NSD3: variants seen among roughly 807,000 people sequenced by gnomAD.
NSD3 encodes nuclear receptor binding SET domain protein 3, also known as histone-lysine N-methyltransferase NSD3.
NSD3 carries 24 observed loss-of-function variants against 160.8 expected under a neutral mutation model. The ratio of observed to expected loss-of-function variants is 0.15; its 90% CI spans 0.11 to 0.21. NSD3 has a LOEUF of 0.21. Among genes scored for constraint, NSD3 ranks in the 10% least tolerant of loss-of-function variants. The probability of loss-of-function intolerance (pLI) is 1.00; values close to 1 mark genes in which losing one functional copy is unlikely to be tolerated. For synonymous variants in NSD3, 520 were observed against 600.0 expected, an observed-to-expected ratio of 0.87 and a Z score of 1.95; for missense variants, 1,157 against 1,735.9, an observed-to-expected ratio of 0.67 and a Z score of 5.93.
chr8:38,351,856 C>T (rs1461328781), intron 1 of NSD3, among the ~76,000 whole-genome samples: 1 of 151,302 alleles, frequency 6.6e-6, no homozygotes, highest in Non-Finnish European at 1.5e-5. Flanking sequence ...GAACATCACA[C>T]ACCGGGGCCT....
At chr8:38,372,300 C>G (rs551474631) in intron 1 of NSD3, among the ~76,000 whole-genome samples, 15 of 152,230 alleles carry the variant, frequency 9.9e-5, no homozygotes, top group African/African-American at 3.6e-4. Context: ...ATGGCACTTT[C>G]TTACAGGATT....
intron 2 of NSD3, among the ~76,000 whole-genome samples, chr8:38,340,853 C>T (rs1810345224): frequency 6.6e-6 from 1 of 152,132 alleles, no homozygotes. Flanking sequence ...AAAACAGAAA[C>T]ACAAACATCC....
chr8:38,318,895 C>A lies in NSD3; in HGVS notation c.1855G>T (p.Gly619Cys). 6.2e-7 allele frequency: 1 copy of A among 1,610,484 alleles called. No individual in the cohort carries two copies. The highest frequency in any genetic ancestry group is 1.7e-5 in the Admixed American group (1 of 58,790). The change falls in exon 9 of 24, where the codon GGT becomes TGT. Residue 619 changes from glycine to cysteine, a missense_variant and splice_region_variant. By Grantham distance (159) the Gly-to-Cys change is radical (BLOSUM62 -3). Transcript: ENST00000317025. The surrounding 1 kb of genome is among the most constrained non-coding windows in gnomAD (Gnocchi z 5.3). The stretch of plus-strand genomic sequence containing the variant: ...AAGCAACATTATAATATTAACTCAC[C>A]TTTCTGTAATCCAGTCTTCACTGTA... ...QATVKTGLQK[G>C]ASEISDSCKP...
intron 2 of NSD3, among the ~76,000 whole-genome samples, chr8:38,345,348 G>A (rs557967407): frequency 7.2e-6 from 1 of 139,816 alleles, no homozygotes; most frequent in African/African-American, 2.7e-5. Flanking sequence ...GAGGGAGGGA[G>A]AGGAAGAGGG....
intron 1 of NSD3, among the ~76,000 whole-genome samples, chr8:38,356,781 C>T (rs1810834462): frequency 6.6e-6 from 1 of 151,944 alleles, no homozygotes; most frequent in Non-Finnish European, 1.5e-5. Context: ...GTTTAAAATG[C>T]CAGTCTCTTC....
At chr8:38,301,828 T>C (rs1164804991) in intron 14 of NSD3, among the ~76,000 whole-genome samples, 1 of 152,236 alleles carries the variant, frequency 6.6e-6, no homozygotes, top group Non-Finnish European at 1.5e-5. Flanking sequence ...TTAGTAAAGT[T>C]TGACTTACAT....
At position 38,270,782 on chromosome 8, in the gene NSD3, A is replaced by G. The variant is rs1000058844; in HGVS notation, c.*4859T>C. ...AATAAATGACTTTGGCATCTATTCT[A>G]TTTTCCCTTTTTACTTACATGTAAA... is the stretch of plus-strand genomic sequence containing the variant. On this transcript the variant is annotated 3_prime_UTR_variant, in exon 24 of 24. Coordinates refer to ENST00000317025, the MANE Select transcript of NSD3 (RefSeq NM_023034.2). 2.0e-5 allele frequency: 3 copies of G among 152,160 alleles called. No individual in the cohort carries two copies. Among genetic ancestry groups the G allele is most frequent in the Admixed American group, 2.0e-4 (3 of 15,286 alleles). The allele number at this position is 152,160 out of a possible 1,614,324, so 9.4% of individuals were successfully genotyped here.
At chr8:38,344,403 T>C (rs1006127339) in intron 2 of NSD3, among the ~76,000 whole-genome samples, 1 of 152,092 alleles carries the variant, frequency 6.6e-6, no homozygotes, top group Admixed American at 6.6e-5. Context: ...TCCCGAATAG[T>C]TGGGATTACA....
chr8:38,334,590 TAA>T (rs1810161782), intron 4 of NSD3, among the ~76,000 whole-genome samples: 1 of 149,954 alleles, frequency 6.7e-6, no homozygotes, highest in Non-Finnish European at 1.5e-5. Flanking sequence ...CCGTCTCTAC[TAA>T]AAATACAAAA....
intron 12 of NSD3, among the ~76,000 whole-genome samples, chr8:38,308,579 G>T (rs1434926562): frequency 6.6e-6 from 1 of 152,136 alleles, no homozygotes; most frequent in Non-Finnish European, 1.5e-5. Flanking sequence ...AGCCCTTTGG[G>T]AGGCCGAGGC....
At position 38,329,391 on chromosome 8, in the gene NSD3, A is replaced by G. The variant is rs763730445; in HGVS notation, c.1568T>C (p.Val523Ala). 4 of 1,608,032 alleles carry G rather than the reference A, an allele frequency of 2.5e-6. No individual in the cohort carries two copies. The highest frequency in any genetic ancestry group is 3.4e-6 in the Non-Finnish European group (4 of 1,175,342). ...TGDGKFIDQF[V>A]YSTKGIGNKT... ...AAAAGGAGGTACCTTTGTTGAATAA[A>G]CAAATTGATCGATAAATTTCCCATC... is the stretch of plus-strand genomic sequence containing the variant. Residue 523 changes from valine to alanine, a missense_variant, in exon 6 of 24, where the codon GTT becomes GCT. By Grantham distance (64) the Val-to-Ala change is moderately conservative. Transcript: ENST00000317025. The surrounding 1 kb of genome is among the most constrained non-coding windows in gnomAD (Gnocchi z 4.8).
Position 38,318,507 on chromosome 8 carries a change from C to T in NSD3, c.1855+388G>A, listed in dbSNP as rs1809722189. Among the ~76,000 whole-genome samples, 1 of 152,128 alleles carries T rather than the reference C, an allele frequency of 6.6e-6. No individual in the cohort carries two copies. Among genetic ancestry groups the T allele is most frequent in the African/African-American group, 2.4e-5 (1 of 41,412 alleles). On this transcript the variant is annotated intron_variant, in intron 9 of 23. Coordinates refer to ENST00000317025, the MANE Select transcript of NSD3 (RefSeq NM_023034.2). This position sits in a 1 kb window ranked among gnomAD's most constrained non-coding sequence, Gnocchi z 5.3. ...GGCAAGATTTTTTCAATCAGCTTGT[C>T]TTGTCTGATTTGTCATAGTCCATGT...
At chr8:38,373,194 A>G (rs1199321673) in intron 1 of NSD3, among the ~76,000 whole-genome samples, 1 of 152,000 alleles carries the variant, frequency 6.6e-6, no homozygotes, top group Non-Finnish European at 1.5e-5. Flanking sequence ...TAAAGGACTT[A>G]TTACCTGGGT....
chr8:38,318,819 T>C lies in NSD3; in HGVS notation c.1855+76A>G, dbSNP rs1746256901. 2.2e-6 allele frequency: 3 copies of C among 1,393,468 alleles called. No homozygotes were observed. The highest frequency in any genetic ancestry group is 2.3e-5 in the East Asian group (1 of 43,604). 86.3% of individuals were successfully genotyped at this position (1,393,468 alleles called of 1,614,324 possible). Reference sequence around the variant, plus strand: ...AACGATTTACAGAGACAGACAAAAATACATGAAGTACAAATAATTCTTAAA... The same window carrying C: ...AACGATTTACAGAGACAGACAAAAACACATGAAGTACAAATAATTCTTAAA... On this transcript the variant is annotated intron_variant, in intron 9 of 23. Transcript: ENST00000317025. The surrounding 1 kb of genome is among the most constrained non-coding windows in gnomAD (Gnocchi z 5.3).
intron 14 of NSD3, among the ~76,000 whole-genome samples, chr8:38,300,086 A>C (rs1004469507): frequency 2.0e-5 from 3 of 152,064 alleles, no homozygotes; most frequent in African/African-American, 4.8e-5. Flanking sequence ...AGACATACTC[A>C]AAGAAATCCT....
chr8:38,381,023 A>G (rs1811533318), intron 1 of NSD3, among the ~76,000 whole-genome samples: 1 of 152,110 alleles, frequency 6.6e-6, no homozygotes, highest in African/African-American at 2.4e-5. Context: ...ACAATCCCAT[A>G]ACCACCAGCT....
Position 38,318,824 on chromosome 8 carries a change from GAAGTACA to G in NSD3, c.1855+64_1855+70del. 1.4e-6 allele frequency: 2 copies of G among 1,414,056 alleles called. No homozygotes were observed. The highest frequency in any genetic ancestry group is 2.0e-6 in the Non-Finnish European group (2 of 1,008,604). The allele number at this position is 1,414,056 out of a possible 1,614,324, so 87.6% of individuals were successfully genotyped here. On this transcript the variant is annotated intron_variant, in intron 9 of 23. Transcript: ENST00000317025. The surrounding 1 kb of genome is among the most constrained non-coding windows in gnomAD (Gnocchi z 5.3). ...TTTACAGAGACAGACAAAAATACAT[GAAGTACA>G]AATAATTCTTAAAAATTGGTTTTAA... is the stretch of plus-strand genomic sequence containing the variant.
chr8:38,344,475 T>A (rs185896824), intron 2 of NSD3, among the ~76,000 whole-genome samples: 6 of 152,260 alleles, frequency 3.9e-5, no homozygotes, highest in Non-Finnish European at 8.8e-5. Flanking sequence ...GGTTTCACCA[T>A]GTTGGCCAGG....
At position 38,279,725 on chromosome 8, in the gene NSD3, C is replaced by T. The variant is rs757228985; in HGVS notation, c.3619-44G>A. The T allele has an allele frequency of 6.3e-5, 99 of 1,580,290 alleles. No individual in the cohort carries two copies. The South Asian group carries it at 1.1e-3, about 17-fold the overall frequency. ...AGTACCTTTTACATAAATTAAGTCT[C>T]TCCCAGAAACATCCAACTCAGTCAA... is the stretch of plus-strand genomic sequence containing the variant. On this transcript the variant is annotated intron_variant, in intron 20 of 23. Transcript: ENST00000317025.
Sources: gnomAD v4.1 joint callset for allele counts (sites outside exome capture counted in the v4.1 genomes callset) on GRCh38, gnomAD v4.1.1 for gene constraint, Gnocchi (gnomAD v3.1) non-coding constraint, MANE v1.5 for transcripts, NCBI Gene and HGNC (gene_info 2026-07-23, HGNC 2026-07-21) for gene names.